The following LETM1 variants were observed in gnomAD, a reference collection of about 807,000 sequenced individuals.
LETM1 encodes the protein mitochondrial proton/calcium exchanger protein.
Under a neutral mutation model 74.5 loss-of-function variants are expected in LETM1, and 50 were observed. That is an observed-to-expected ratio of 0.67 (90% CI 0.53 to 0.85). LETM1 has a LOEUF of 0.85. LETM1 is among the 40% of genes least tolerant of loss of function. LETM1 has a pLI of 0.00. For synonymous variants in LETM1, 446 were observed against 407.1 expected (o/e 1.10, Z -1.15); for missense variants, 824 against 967.8 (o/e 0.85, Z 1.97).
intron 11 of LETM1, among the ~76,000 whole-genome samples, chr4:1,818,320 A>C (rs1363428231): frequency 3.2e-4 from 49 of 152,180 alleles, no homozygotes; most frequent in Admixed American, 3.2e-3. Flanking sequence ...GTTTTTAAAA[A>C]ATCGTATTAG....
At position 1,812,708 on chromosome 4, in the gene LETM1, C is replaced by T. The variant is rs924864099; in HGVS notation, c.*1716G>A. The T allele has an allele frequency of 6.6e-6, 1 of 152,368 alleles. No individual in the cohort carries two copies. The highest frequency in any genetic ancestry group is 6.5e-5 in the Admixed American group (1 of 15,288). The allele number at this position is 152,368 out of a possible 1,614,324, so 9.4% of individuals were successfully genotyped here. A position where few individuals can be genotyped will look rare whatever the true frequency, so the allele number is the denominator to read the frequency against. ...ACGAGGGAGCAAGCCTGCATCAGAGCACGGCTGATGTCACGGAAGCCACCA... is the reference window on the plus strand; with the variant it reads ...ACGAGGGAGCAAGCCTGCATCAGAGTACGGCTGATGTCACGGAAGCCACCA... On this transcript the variant is annotated 3_prime_UTR_variant, in exon 14 of 14. Transcript: ENST00000302787.
At chr4:1,816,074 T>C (rs769656479) in intron 12 of LETM1, among the ~76,000 whole-genome samples, 30 of 152,278 alleles carry the variant, frequency 2.0e-4, no homozygotes, top group Non-Finnish European at 3.5e-4. Flanking sequence ...TCTGGGGCCA[T>C]GGCTGCTGGG....
At chr4:1,842,589 A>C (rs1212694913) in intron 2 of LETM1, among the ~76,000 whole-genome samples, 1 of 152,188 alleles carries the variant, frequency 6.6e-6, no homozygotes, top group African/African-American at 2.4e-5. Flanking sequence ...CACTGTGTGC[A>C]CCACATTTGC....
At chr4:1,825,918 C>A (rs886077955) in intron 6 of LETM1, among the ~76,000 whole-genome samples, 1 of 152,102 alleles carries the variant, frequency 6.6e-6, no homozygotes, top group African/African-American at 2.4e-5. Context: ...CCACCTCCAA[C>A]CCTCTGTCCT....
intron 12 of LETM1, 38 bp from the exon 13 acceptor site, chr4:1,815,840 G>T (rs1349635335): frequency 4.4e-6 from 7 of 1,606,262 alleles, no homozygotes; most frequent in Non-Finnish European, 5.9e-6. Flanking sequence ...ACGGGCAGGC[G>T]TCCTGCCACA....
At chr4:1,844,420 C>T (rs1406758229) in intron 2 of LETM1, among the ~76,000 whole-genome samples, 1 of 152,124 alleles carries the variant, frequency 6.6e-6, no homozygotes, top group African/African-American at 2.4e-5. Context: ...ACATAATGTC[C>T]ACGATGTTCT....
rs532361205 is a variant in LETM1 at position 1,832,457 on chromosome 4, A to T, written c.1080+287T>A. On this transcript the variant is annotated intron_variant, in intron 6 of 13. Coordinates refer to ENST00000302787, the MANE Select transcript of LETM1 (RefSeq NM_012318.3). ...GACCCTGATGTGAGGAGAGAGGCAC[A>T]GAGGCACTGTCATCAATAAGCAGGA... Among the ~76,000 whole-genome samples, 35 of 152,342 alleles carry T rather than the reference A, an allele frequency of 2.3e-4. 1 individual carries two copies. In the South Asian group the frequency reaches 4.1e-3, roughly 18 times the overall value.
chr4:1,839,508 G>A (rs954532357), intron 3 of LETM1, among the ~76,000 whole-genome samples: 1 of 152,216 alleles, frequency 6.6e-6, no homozygotes, highest in African/African-American at 2.4e-5. Context: ...GTTGAAGCAG[G>A]AGCAGACGGT....
At chr4:1,815,580 C>G in intron 13 of LETM1, 84 bp downstream of exon 13, 1 of 1,495,312 alleles carries the variant, frequency 6.7e-7, no homozygotes, top group African/African-American at 1.4e-5. Flanking sequence ...AGGAGGGTGC[C>G]GGACATGCAA....
At position 1,832,945 on chromosome 4, in the gene LETM1, G is replaced by A. The variant is rs766252225; in HGVS notation, c.879C>T (p.Ile293=). ...TGCTGGGCCTCTCCCCTGTTTCCCGGATCTGCGGAAGTGGTCACAAGGGTC... is the reference window on the plus strand; with the variant it reads ...TGCTGGGCCTCTCCCCTGTTTCCCGAATCTGCGGAAGTGGTCACAAGGGTC... The part of the protein sequence containing the change: ...TKDFSVFFQK[I]RETGERPSNE... The change falls in exon 6 of 14, where the codon ATC becomes ATT. Residue 293 remains isoleucine, a splice_region_variant and synonymous_variant. Coordinates refer to ENST00000302787, the MANE Select transcript of LETM1 (RefSeq NM_012318.3). The A allele has an allele frequency of 1.9e-6, 3 of 1,612,056 alleles. No individual in the cohort carries two copies. In the South Asian group the frequency reaches 3.3e-5, roughly 18 times the overall value.
intron 6 of LETM1, among the ~76,000 whole-genome samples, chr4:1,829,892 CCTTT>C (rs749059128): frequency 4.6e-5 from 7 of 152,128 alleles, no homozygotes; most frequent in Non-Finnish European, 8.8e-5. Flanking sequence ...ACACACGATG[CCTTT>C]CTCTCACTGC....
At chr4:1,832,225 C>G (rs1331692072) in intron 6 of LETM1, among the ~76,000 whole-genome samples, 1 of 152,086 alleles carries the variant, frequency 6.6e-6, no homozygotes, top group Non-Finnish European at 1.5e-5. Flanking sequence ...TCGCTTGAAC[C>G]CAGGAGGCAG....
chr4:1,829,545 TGG>T (rs1167182664), intron 6 of LETM1, among the ~76,000 whole-genome samples: 1 of 152,274 alleles, frequency 6.6e-6, no homozygotes, highest in Non-Finnish European at 1.5e-5. Context: ...CCAGGAACAG[TGG>T]CTCACGCCTG....
intron 1 of LETM1, among the ~76,000 whole-genome samples, chr4:1,852,197 G>C (rs1268317247): frequency 2.0e-5 from 3 of 152,196 alleles, no homozygotes; most frequent in Non-Finnish European, 4.4e-5. Flanking sequence ...CCCAACTTCA[G>C]CTGACCACAC....
intron 1 of LETM1, among the ~76,000 whole-genome samples, chr4:1,852,166 C>T (rs887705726): frequency 2.6e-5 from 4 of 152,194 alleles, no homozygotes; most frequent in Admixed American, 2.0e-4. Context: ...AGACTGCCCC[C>T]ACTCCATGTG....
rs1036450873 is a variant in LETM1 at position 1,823,854 on chromosome 4, C to T, written c.1201-79G>A. The T allele has an allele frequency of 1.9e-5, 28 of 1,450,570 alleles. No individual in the cohort carries two copies. In the African/African-American group the frequency reaches 2.5e-4, roughly 13 times the overall value. 89.9% of individuals were successfully genotyped at this position (1,450,570 alleles called of 1,614,324 possible). A position where few individuals can be genotyped will look rare whatever the true frequency, so the allele number is the denominator to read the frequency against. On this transcript the variant is annotated intron_variant, in intron 7 of 13. Transcript: ENST00000302787. ...CACAGCAGGTCCGCCCATCTCATCA[C>T]CAGAATAGCTCTCAGAGAAGACAGT...
intron 6 of LETM1, among the ~76,000 whole-genome samples, chr4:1,832,029 A>C (rs1346540381): frequency 6.6e-6 from 1 of 152,220 alleles, no homozygotes; most frequent in Non-Finnish European, 1.5e-5. Flanking sequence ...AGCCGGACAC[A>C]GTGGCTCATG....
intron 1 of LETM1, 111 bp from the exon 2 acceptor site, chr4:1,849,320 A>C: frequency 2.7e-6 from 2 of 742,676 alleles, no homozygotes; most frequent in South Asian, 3.0e-5. Flanking sequence ...GCTAGAGTGC[A>C]ATGGCGTGAT....
intron 6 of LETM1, among the ~76,000 whole-genome samples, chr4:1,831,119 C>A (rs192269198): frequency 1.3e-5 from 2 of 152,226 alleles, no homozygotes; most frequent in Admixed American, 6.5e-5. Flanking sequence ...ATCGTCCCCC[C>A]CAGCTTACTG....
Sources: allele counts gnomAD v4.1 joint callset (sites outside exome capture counted in the v4.1 genomes callset), GRCh38; gene constraint gnomAD v4.1.1; transcripts MANE v1.5; gene names NCBI Gene and HGNC (gene_info 2026-07-23, HGNC 2026-07-21).